The following STON2 variants were observed in gnomAD, a reference collection of about 807,000 sequenced individuals.
STON2 encodes the protein stonin-2.
Under a neutral mutation model 65.7 loss-of-function variants are expected in STON2, and 29 were observed. That is an observed-to-expected ratio of 0.44 (90% confidence interval 0.33 to 0.60). The LOEUF is 0.60. STON2 is among the 20% of genes least tolerant of loss of function. The pLI is 0.03. For missense variants in STON2, 1,054 were observed against 1,118.1 expected (o/e 0.94, Z 0.82); for synonymous variants, 404 against 414.2 (o/e 0.98, Z 0.30).
intron 3 of STON2, among the ~76,000 whole-genome samples, chr14:81,378,570 CT>C (rs1402606248): frequency 6.6e-6 from 1 of 152,182 alleles, no homozygotes; most frequent in Non-Finnish European, 1.5e-5. Context: ...CAGTCTGTAG[CT>C]TGTCTTTTCA....
chr14:81,423,870 A>T (rs1196353540), intron 2 of STON2, among the ~76,000 whole-genome samples: 1 of 152,192 alleles, frequency 6.6e-6, no homozygotes, highest in Non-Finnish European at 1.5e-5. Flanking sequence ...AGCCACAAGG[A>T]ACCAGGACAC....
chr14:81,428,820 T>C (rs1375167122), intron 1 of STON2, among the ~76,000 whole-genome samples: 1 of 152,242 alleles, frequency 6.6e-6, no homozygotes, highest in Non-Finnish European at 1.5e-5. Context: ...AGTATCCCAT[T>C]TGGTTTTTTT....
chr14:81,339,467 C>A (rs1219243584), intron 4 of STON2, among the ~76,000 whole-genome samples: 1 of 152,032 alleles, frequency 6.6e-6, no homozygotes, highest in Non-Finnish European at 1.5e-5. Flanking sequence ...GATCTCCAAC[C>A]ATCACTGTGG....
chr14:81,307,359 T>C (rs76360952), intron 5 of STON2, among the ~76,000 whole-genome samples: 10,103 of 152,262 alleles, frequency 0.066, 524 homozygotes, highest in East Asian at 0.17. Flanking sequence ...TTGAGTGTAA[T>C]TTTTCAAAAC....
chr14:81,304,946 C>T (rs1896113128), intron 5 of STON2, among the ~76,000 whole-genome samples: 1 of 152,074 alleles, frequency 6.6e-6, no homozygotes, highest in Non-Finnish European at 1.5e-5. Flanking sequence ...CCAGAAGACC[C>T]CTTTGTACCC....
chr14:81,270,459 AT>A (rs1806276707), intron 7 of STON2: 8 of 1,476,962 alleles, frequency 5.4e-6, no homozygotes, highest in East Asian at 2.3e-5. Context: ...GAGCCTCTTT[AT>A]TTTTTTCCAA....
intron 4 of STON2, among the ~76,000 whole-genome samples, chr14:81,368,577 G>A (rs866732696): frequency 4.6e-5 from 7 of 152,216 alleles, no homozygotes; most frequent in East Asian, 1.9e-4. Context: ...AGCCAGGCGC[G>A]GTGGCACACA....
At chr14:81,362,814 C>CA (rs1898554274) in intron 4 of STON2, among the ~76,000 whole-genome samples, 1 of 151,938 alleles carries the variant, frequency 6.6e-6, no homozygotes, top group South Asian at 2.1e-4. Flanking sequence ...ATTTATTCCA[C>CA]AAAAATCCAC....
At chr14:81,318,241 G>C (rs1204985809) in intron 5 of STON2, among the ~76,000 whole-genome samples, 4 of 152,140 alleles carry the variant, frequency 2.6e-5, no homozygotes, top group Non-Finnish European at 5.9e-5. Context: ...TGGGATTATA[G>C]GTGTGAGCCA....
chr14:81,273,948 C>T (rs982353284), intron 6 of STON2, among the ~76,000 whole-genome samples: 1 of 152,162 alleles, frequency 6.6e-6, no homozygotes, highest in Non-Finnish European at 1.5e-5. Flanking sequence ...TACAAAGCAC[C>T]TTCCCAGGGC....
chr14:81,419,066 CAACTT>C (rs780114888), intron 2 of STON2, among the ~76,000 whole-genome samples: 4 of 151,866 alleles, frequency 2.6e-5, no homozygotes, highest in East Asian at 1.9e-4. Flanking sequence ...AAAAAACTCT[CAACTT>C]AAATTTGTTT....
At chr14:81,282,331 C>T (rs768580270) in intron 5 of STON2, among the ~76,000 whole-genome samples, 1 of 152,200 alleles carries the variant, frequency 6.6e-6, no homozygotes, top group Non-Finnish European at 1.5e-5. Context: ...CACCTAAAAT[C>T]TGCAGTCAAA....
rs540461301 is a variant in STON2 at position 81,318,770 on chromosome 14, G to C, written c.742+5247C>G. Reference sequence around the variant, plus strand: ...GGGGTCTGAGACACAATACTCACTTGAACCTGGGAGACGGAACCTGTGATC... The same window carrying C: ...GGGGTCTGAGACACAATACTCACTTCAACCTGGGAGACGGAACCTGTGATC... On this transcript the variant is annotated intron_variant, in intron 5 of 7. Transcript: ENST00000614646. Among the ~76,000 whole-genome samples, 3 of 152,350 alleles carry C rather than the reference G, an allele frequency of 2.0e-5. No individual in the cohort carries two copies. In the East Asian group the frequency reaches 5.8e-4, roughly 29 times the overall value.
intron 4 of STON2, among the ~76,000 whole-genome samples, chr14:81,336,317 C>T (rs1897370262): frequency 6.6e-6 from 1 of 151,968 alleles, no homozygotes; most frequent in Admixed American, 6.6e-5. Flanking sequence ...TCCTTGTTAC[C>T]ACATTCCAGG....
intron 6 of STON2, among the ~76,000 whole-genome samples, chr14:81,272,020 G>A (rs1019222197): frequency 6.6e-6 from 1 of 152,090 alleles, no homozygotes; most frequent in African/African-American, 2.4e-5. Context: ...TCAGGAGATC[G>A]AGACCATCCT....
intron 2 of STON2, among the ~76,000 whole-genome samples, chr14:81,420,679 T>A (rs1484495868): frequency 6.6e-6 from 1 of 152,084 alleles, no homozygotes; most frequent in African/African-American, 2.4e-5. Flanking sequence ...GAAAGATGAA[T>A]AGAAATTAGT....
At chr14:81,330,727 C>T (rs1897181656) in intron 4 of STON2, among the ~76,000 whole-genome samples, 1 of 152,120 alleles carries the variant, frequency 6.6e-6, no homozygotes, top group Non-Finnish European at 1.5e-5. Context: ...TGCAGGTGTG[C>T]TAGTTTTATT....
At chr14:81,281,229 A>G (rs1271353774) in intron 5 of STON2, among the ~76,000 whole-genome samples, 1 of 152,160 alleles carries the variant, frequency 6.6e-6, no homozygotes, top group East Asian at 1.9e-4. Context: ...TAAGTGATTA[A>G]TTTTCTGAAA....
rs1250630751 is a variant in STON2 at position 81,263,755 on chromosome 14, A to C, written c.*4659T>G. 3.9e-5 allele frequency: 38 copies of C among 985,088 alleles called. No individual in the cohort carries two copies. Among genetic ancestry groups the C allele is most frequent in the Non-Finnish European group, 4.6e-5 (38 of 829,886 alleles). 61.0% of individuals were successfully genotyped at this position (985,088 alleles called of 1,614,324 possible). ...CATTTTTAGAAGAGTTAAAGTTACCACTCGAACTGGGAGCATTTCTATAAG... is the reference window on the plus strand; with the variant it reads ...CATTTTTAGAAGAGTTAAAGTTACCCCTCGAACTGGGAGCATTTCTATAAG... On this transcript the variant is annotated 3_prime_UTR_variant, in exon 8 of 8. Coordinates refer to ENST00000614646, the MANE Select transcript of STON2 (RefSeq NM_001394390.1).
Sources: gnomAD v4.1 joint callset for allele counts (sites outside exome capture counted in the v4.1 genomes callset) on GRCh38, gnomAD v4.1.1 for gene constraint, MANE v1.5 for transcripts, NCBI Gene and HGNC (gene_info 2026-07-23, HGNC 2026-07-21) for gene names.